Variants in MAGI3 observed in about 807,000 individuals in gnomAD.
The protein encoded by MAGI3 is membrane associated guanylate kinase, WW and PDZ domain containing 3, also known as membrane-associated guanylate kinase, WW and PDZ domain-containing protein 3.
A neutral mutation model predicts 121.8 loss-of-function variants in MAGI3; 43 were observed. The ratio of observed to expected loss-of-function variants is 0.35; its 90% CI spans 0.28 to 0.46. The LOEUF is 0.46. Among genes scored for constraint, MAGI3 ranks in the 20% least tolerant of loss-of-function variants. The pLI is 1.00. For synonymous variants in MAGI3, 553 were observed against 639.3 expected (o/e 0.86, Z 2.04); for missense variants, 1,547 against 1,797.3 (o/e 0.86, Z 2.52).
rs570841882 is a variant in MAGI3 at position 113,422,901 on chromosome 1, C to T, written c.316+31552C>T. On this transcript the variant is annotated intron_variant, in intron 1 of 20. Transcript: ENST00000307546. The surrounding 1 kb of genome is among the most constrained non-coding windows in gnomAD (Gnocchi z 4.3). ...CCATTGCATGTGTGGCTGCCTGGTG[C>T]GGTGGAGGGCGGGAGGGCTATAGTG... Among the ~76,000 whole-genome samples the T allele has an allele frequency of 5.3e-5, 8 of 152,206 alleles. No homozygotes were observed. The highest frequency in any genetic ancestry group is 1.9e-4 in the East Asian group (1 of 5,160).
In MAGI3 at chr1:113,659,252, C is replaced by G. The variant is rs1219832324; in HGVS notation, c.2802C>G (p.Val934=). 6.2e-7 allele frequency: 1 copy of G among 1,613,402 alleles called. No individual in the cohort carries two copies. Among genetic ancestry groups the G allele is most frequent in the Non-Finnish European group, 8.5e-7 (1 of 1,179,794 alleles). ...CTGGTGTCACCGTCACACTAACGGT[C>G]ATTGCTGAAGAAGGTAAGGAGCCAG... ...KDAGVTVTLT[V]IAEEEHHGPP... The change falls in exon 16 of 21, where the codon GTC becomes GTG. Residue 934 remains valine (V), a synonymous_variant. Coordinates refer to ENST00000307546, the MANE Select transcript of MAGI3 (RefSeq NM_001142782.2).
chr1:113,463,829 T>G (rs1242652880), intron 1 of MAGI3, among the ~76,000 whole-genome samples: 2 of 152,072 alleles, frequency 1.3e-5, no homozygotes, highest in African/African-American at 4.8e-5. Context: ...CTCACATTAA[T>G]ACTGTATAGA....
chr1:113,471,518 A>G (rs1220145917), intron 1 of MAGI3, among the ~76,000 whole-genome samples: 2 of 152,202 alleles, frequency 1.3e-5, no homozygotes, highest in Non-Finnish European at 2.9e-5. Context: ...AAAAAAGACT[A>G]CAGGAAGACC....
At chr1:113,472,225 C>T (rs1655573645) in intron 1 of MAGI3, among the ~76,000 whole-genome samples, 3 of 143,588 alleles carry the variant, frequency 2.1e-5, no homozygotes, top group Non-Finnish European at 3.0e-5. Flanking sequence ...TTTTTTGAGA[C>T]AGAGTCTCGC....
chr1:113,495,106 A>G (rs1044572572), intron 1 of MAGI3, among the ~76,000 whole-genome samples: 2 of 152,232 alleles, frequency 1.3e-5, no homozygotes, highest in African/African-American at 2.4e-5. Context: ...CGGCAGCTAG[A>G]TGCTCCATTT....
Position 113,597,339 on chromosome 1 carries a change from C to T in MAGI3, c.1018+2779C>T, listed in dbSNP as rs570323769. ...AAGAATAGAGATTAACTGTTAACAGCATGAGGAATCTTCTTGGAGTTATGA... is the reference window on the plus strand; with the variant it reads ...AAGAATAGAGATTAACTGTTAACAGTATGAGGAATCTTCTTGGAGTTATGA... On this transcript the variant is annotated intron_variant, in intron 6 of 20. Coordinates refer to ENST00000307546, the MANE Select transcript of MAGI3 (RefSeq NM_001142782.2). Among the ~76,000 whole-genome samples the T allele has an allele frequency of 1.7e-4, 26 of 152,242 alleles. No homozygotes were observed. In the South Asian group the frequency reaches 5.4e-3, roughly 32 times the overall value.
intron 1 of MAGI3, chr1:113,450,780 A>T: frequency 1.2e-6 from 1 of 802,824 alleles, no homozygotes; most frequent in Non-Finnish European, 2.2e-6. Flanking sequence ...GAGAGCGAGG[A>T]GTTGTCAGGA....
rs191740744 is a variant in MAGI3, at chr1:113,522,086, G to A, written c.317-27429G>A. 2.1e-3 allele frequency among the ~76,000 whole-genome samples: 316 copies of A among 152,036 alleles called. 2 individuals are homozygous for A. The highest frequency in any genetic ancestry group is 0.01 in the Middle Eastern group (3 of 294). ...GCTTTAAATTTTTACACTAACACGT[G>A]TATTTTTTGGTCTGTCGTATATTTA... On this transcript the variant is annotated intron_variant, in intron 1 of 20. Transcript: ENST00000307546.
intron 1 of MAGI3, among the ~76,000 whole-genome samples, chr1:113,477,542 T>A (rs1655891343): frequency 6.6e-6 from 1 of 152,240 alleles, no homozygotes; most frequent in Non-Finnish European, 1.5e-5. Context: ...TTTAAGAATG[T>A]TGAATATCGG....
rs145617896 is a variant in MAGI3 at position 113,552,364 on chromosome 1, A to G, written c.433+2733A>G. ...TTTGACTCATTTTCTTTCCTTGACT[A>G]TCTTAAATATATTAGTCAACTATCT... On this transcript the variant is annotated intron_variant, in intron 2 of 20. Coordinates refer to ENST00000307546, the MANE Select transcript of MAGI3 (RefSeq NM_001142782.2). Among the ~76,000 whole-genome samples the G allele has an allele frequency of 8.5e-4, 130 of 152,236 alleles. 1 individual carries two copies. The highest frequency in any genetic ancestry group is 2.8e-3 in the African/African-American group (115 of 41,532).
chr1:113,434,415 C>CCA (rs1653459646), intron 1 of MAGI3, among the ~76,000 whole-genome samples: 1 of 151,842 alleles, frequency 6.6e-6, no homozygotes. Flanking sequence ...ACCACCACCA[C>CCA]CACACACACA....
intron 1 of MAGI3, among the ~76,000 whole-genome samples, chr1:113,467,257 G>T (rs188333516): frequency 6.6e-6 from 1 of 151,990 alleles, no homozygotes; most frequent in Non-Finnish European, 1.5e-5. Flanking sequence ...AGTTTCTGAG[G>T]TTCCTCTTGT....
chr1:113,679,775 G>A (rs991950083), intron 19 of MAGI3, among the ~76,000 whole-genome samples: 3 of 149,788 alleles, frequency 2.0e-5, no homozygotes, highest in Admixed American at 6.7e-5. Context: ...GTGCAATCTC[G>A]GCTCATTGCA....
chr1:113,487,830 A>AT (rs961074359), intron 1 of MAGI3, among the ~76,000 whole-genome samples: 1 of 151,750 alleles, frequency 6.6e-6, no homozygotes, highest in Non-Finnish European at 1.5e-5. Context: ...TGATAAAATA[A>AT]TTTTTTTTCA....
intron 1 of MAGI3, among the ~76,000 whole-genome samples, chr1:113,479,295 C>T (rs1480821664): frequency 6.6e-6 from 1 of 152,176 alleles, no homozygotes; most frequent in Admixed American, 6.5e-5. Flanking sequence ...CCACGTACCT[C>T]AGTTGGAAAT....
intron 4 of MAGI3, among the ~76,000 whole-genome samples, chr1:113,585,970 A>G (rs1368437055): frequency 6.6e-6 from 1 of 152,230 alleles, no homozygotes; most frequent in Middle Eastern, 3.2e-3. Context: ...AGCCTAAACA[A>G]AGTAAATAGG....
chr1:113,680,781 C>CA (rs925237594), intron 19 of MAGI3, among the ~76,000 whole-genome samples: 7 of 151,870 alleles, frequency 4.6e-5, no homozygotes, highest in Middle Eastern at 3.4e-3. Context: ...AACAAACAAA[C>CA]AAAAAATCCT....
Position 113,683,839 on chromosome 1 carries a change from CAGAAGAT to C in MAGI3, c.4272_4278del (p.Glu1425ThrfsTer6). Reference sequence around the variant, plus strand: ...GAAGAGAAGGTAGTTTCAAACAAAACAGAAGATCACAAAGGGAAAGAACTAGAGGCAG... The same window carrying C: ...GAAGAGAAGGTAGTTTCAAACAAAACCACAAAGGGAAAGAACTAGAGGCAG... On this transcript the variant is annotated frameshift_variant, in exon 21 of 21. Coordinates refer to ENST00000307546, the MANE Select transcript of MAGI3 (RefSeq NM_001142782.2). LOFTEE classifies it low-confidence loss of function (END_TRUNC). 6.2e-7 allele frequency: 1 copy of C among 1,612,048 alleles called. No individual in the cohort carries two copies. The highest frequency in any genetic ancestry group is 1.3e-5 in the African/African-American group (1 of 74,954).
chr1:113,503,662 T>G (rs951563957), intron 1 of MAGI3, among the ~76,000 whole-genome samples: 4 of 152,140 alleles, frequency 2.6e-5, no homozygotes, highest in African/African-American at 7.2e-5. Context: ...TGATATTCAT[T>G]AGAAGTAAAG....
Sources: allele counts gnomAD v4.1 joint callset (sites outside exome capture counted in the v4.1 genomes callset), GRCh38; gene constraint gnomAD v4.1.1; non-coding constraint Gnocchi (gnomAD v3.1); transcripts MANE v1.5; gene names NCBI Gene and HGNC (gene_info 2026-07-23, HGNC 2026-07-21).